OSBPL10: variants seen among roughly 807,000 people sequenced by gnomAD.
OSBPL10 encodes the protein oxysterol-binding protein-related protein 10.
OSBPL10 carries 49 observed loss-of-function variants against 81.7 expected under a neutral mutation model. The observed-to-expected ratio is 0.60, with a 90% confidence interval of 0.48 to 0.76. The LOEUF (loss-of-function observed/expected upper bound fraction) is 0.76. Ranked by LOEUF, OSBPL10 falls within the 30% of genes least tolerant of loss-of-function variation. The pLI, the probability that OSBPL10 is intolerant of heterozygous loss-of-function variation, is 0.00. For missense variants in OSBPL10, 923 were observed against 987.8 expected (o/e 0.93, Z 0.88); for synonymous variants, 419 against 383.6 (o/e 1.09, Z -1.08).
chr3:31,965,762 A>T (rs1284676931), intron 1 of OSBPL10, among the ~76,000 whole-genome samples: 5 of 61,142 alleles, frequency 8.2e-5, no homozygotes, highest in Non-Finnish European at 1.4e-4. Context: ...TATTATATTA[A>T]AAGATAATAT....
chr3:31,966,878 A>G (rs1341715774), intron 1 of OSBPL10, among the ~76,000 whole-genome samples: 1 of 152,208 alleles, frequency 6.6e-6, no homozygotes, highest in African/African-American at 2.4e-5. Flanking sequence ...AGCCAATTAC[A>G]AATGAAAACC....
intron 6 of OSBPL10, among the ~76,000 whole-genome samples, chr3:31,716,634 C>A (rs185762639): frequency 1.3e-5 from 2 of 152,308 alleles, no homozygotes; most frequent in African/African-American, 2.4e-5. Context: ...CAAACCCAAT[C>A]CTAGGCGGCC....
At chr3:32,004,155 G>T (rs530938063) in intron 2 of OSBPL10, among the ~76,000 whole-genome samples, 2 of 152,010 alleles carry the variant, frequency 1.3e-5, no homozygotes, top group Non-Finnish European at 2.9e-5. Flanking sequence ...AAAAATTAAC[G>T]AGTGTCCATG....
chr3:32,030,368 A>G (rs375836536), intron 2 of OSBPL10: 55 of 564,926 alleles, frequency 9.7e-5, no homozygotes, highest in African/African-American at 9.1e-4. Context: ...AAGAGGCACC[A>G]TGGCTAAACT....
At chr3:31,708,707 G>C in intron 6 of OSBPL10, 5 of 983,388 alleles carry the variant, frequency 5.1e-6, no homozygotes, top group Non-Finnish European at 6.0e-6. Flanking sequence ...TGATCCTGAT[G>C]AACCTACTGT....
chr3:31,707,003 G>A (rs1696091116), intron 6 of OSBPL10, among the ~76,000 whole-genome samples: 1 of 151,826 alleles, frequency 6.6e-6, no homozygotes, highest in Non-Finnish European at 1.5e-5. Context: ...CCTAGACCTG[G>A]CCTTCAGGTA....
chr3:31,711,675 T>A (rs953049753), intron 6 of OSBPL10, among the ~76,000 whole-genome samples: 2 of 152,008 alleles, frequency 1.3e-5, no homozygotes, highest in African/African-American at 4.8e-5. Context: ...CAAAGATTAG[T>A]GGTTGCCAGA....
At chr3:31,905,436 G>T (rs574401546) in intron 1 of OSBPL10, among the ~76,000 whole-genome samples, 1 of 144,106 alleles carries the variant, frequency 6.9e-6, no homozygotes, top group Admixed American at 7.5e-5. Flanking sequence ...TGCAACCTCC[G>T]TCTCCCGGGT....
intron 1 of OSBPL10, among the ~76,000 whole-genome samples, chr3:31,892,303 G>A (rs1429353805): frequency 6.6e-6 from 1 of 152,168 alleles, no homozygotes; most frequent in South Asian, 2.1e-4. Context: ...TAAAGACGTA[G>A]GCAATGCAAA....
intron 5 of OSBPL10, among the ~76,000 whole-genome samples, chr3:31,744,305 C>T (rs1246448773): frequency 6.6e-6 from 1 of 152,022 alleles, no homozygotes; most frequent in Non-Finnish European, 1.5e-5. Flanking sequence ...CTTTGGGAGG[C>T]CAAGGCGGAT....
In OSBPL10 at chr3:32,043,752, G is replaced by C. The variant is rs184517734; in HGVS notation, n.298+2739C>G. On this transcript the variant is annotated intron_variant and non_coding_transcript_variant, in intron 2 of 3. Transcript: ENST00000479173. ...ACAGCCATAAAAAGAATGAAATCAT[G>C]TTCTTTGCAGCAGCATGGATGCAGC... Among the ~76,000 whole-genome samples the C allele has an allele frequency of 2.6e-5, 4 of 152,300 alleles. No individual in the cohort carries two copies. In the East Asian group the frequency reaches 7.7e-4, roughly 29 times the overall value.
chr3:32,043,020 C>T (rs1474911852), intron 2 of OSBPL10, among the ~76,000 whole-genome samples: 1 of 152,160 alleles, frequency 6.6e-6, no homozygotes, highest in Non-Finnish European at 1.5e-5. Context: ...GAGCAGAGAA[C>T]TGGTCTGACC....
intron 1 of OSBPL10, among the ~76,000 whole-genome samples, chr3:31,940,186 A>G (rs1433191628): frequency 6.6e-6 from 1 of 152,258 alleles, no homozygotes; most frequent in East Asian, 1.9e-4. Flanking sequence ...AATGTCCATC[A>G]ACAGAATGTA....
At chr3:32,052,075 AC>A (rs1699673698) in intron 1 of OSBPL10, among the ~76,000 whole-genome samples, 1 of 151,800 alleles carries the variant, frequency 6.6e-6, no homozygotes, top group African/African-American at 2.4e-5. Context: ...GCAAAACCCC[AC>A]CTTTACCAAA....
chr3:31,662,015 ACTT>A lies in OSBPL10; in HGVS notation c.*54_*56del. 1 of 1,602,234 alleles carries A rather than the reference ACTT, an allele frequency of 6.2e-7. No individual in the cohort carries two copies. The highest frequency in any genetic ancestry group is 8.5e-7 in the Non-Finnish European group (1 of 1,175,262). ...GCCAACAAAACCCTGATACTCTACT[ACTT>A]TAATATTCCTACAAAAACAGGGCTA... On this transcript the variant is annotated 3_prime_UTR_variant, in exon 12 of 12. Coordinates refer to ENST00000396556, the MANE Select transcript of OSBPL10 (RefSeq NM_017784.5).
intron 1 of OSBPL10, among the ~76,000 whole-genome samples, chr3:32,055,484 T>A (rs189273109): frequency 1.4e-3 from 209 of 152,222 alleles, no homozygotes; most frequent in African/African-American, 4.8e-3. Context: ...GCATGAGCCA[T>A]ATTTATAGCT....
intron 6 of OSBPL10, chr3:31,703,525 TA>T (rs1695963583): frequency 6.6e-6 from 1 of 152,212 alleles, no homozygotes. Context: ...CTAACCTCAT[TA>T]GACAGAATCA....
intron 1 of OSBPL10, among the ~76,000 whole-genome samples, chr3:32,074,856 C>T (rs1484001994): frequency 2.0e-5 from 3 of 152,180 alleles, no homozygotes; most frequent in Non-Finnish European, 4.4e-5. Context: ...CCAGTTCTGC[C>T]TGACACAAGG....
intron 1 of OSBPL10, among the ~76,000 whole-genome samples, chr3:31,918,752 C>T (rs1219181696): frequency 1.3e-5 from 2 of 152,154 alleles, no homozygotes; most frequent in Non-Finnish European, 2.9e-5. Flanking sequence ...CCCACTACTG[C>T]TAGACCATCT....
Sources: allele counts gnomAD v4.1 joint callset (sites outside exome capture counted in the v4.1 genomes callset), GRCh38; gene constraint gnomAD v4.1.1; transcripts MANE v1.5; gene names NCBI Gene and HGNC (gene_info 2026-07-23, HGNC 2026-07-21).